Variants in AKAP13 observed in about 807,000 individuals in gnomAD.
The protein encoded by AKAP13 is A-kinase anchoring protein 13, also known as A-kinase anchor protein 13.
In AKAP13, 80 loss-of-function variants were observed where a neutral mutation model predicts 264.5. The observed-to-expected ratio is 0.30, with a 90% CI of 0.25 to 0.36. The LOEUF is 0.36. AKAP13 is among the 10% of genes least tolerant of loss of function. The probability of loss-of-function intolerance (pLI) is 1.00; values close to 1 mark genes in which losing one functional copy is unlikely to be tolerated. For synonymous variants in AKAP13, 1,380 were observed against 1,250.2 expected, an observed-to-expected ratio of 1.10 and a Z score of -2.19; for missense variants, 3,712 against 3,435.2, an observed-to-expected ratio of 1.08 and a Z score of -2.01.
At chr15:85,651,751 C>T (rs1017940091) in intron 10 of AKAP13, 1 of 152,126 alleles carries the variant, frequency 6.6e-6, no homozygotes, top group Non-Finnish European at 1.5e-5. Context: ...CCATTCACAC[C>T]CTCTCAAGGC....
At chr15:85,613,713 T>TATATATATATGTATG in intron 8 of AKAP13, among the ~76,000 whole-genome samples, 1 of 111,016 alleles carries the variant, frequency 9.0e-6, no homozygotes, top group East Asian at 3.4e-4. Flanking sequence ...TATATATATA[T>TATATATATATGTATG]TAGGAGTGCT....
At position 85,477,549 on chromosome 15, in the gene AKAP13, A is replaced by G. The variant is rs574710724; in HGVS notation, c.-11-8161A>G. Among the ~76,000 whole-genome samples, 3 of 151,382 alleles carry G rather than the reference A, an allele frequency of 2.0e-5. 1 individual carries two copies. In the East Asian group the frequency reaches 5.9e-4, roughly 30 times the overall value. The stretch of plus-strand genomic sequence containing the variant: ...TCTGGGTTTGAGTTTACGCTACACA[A>G]TTACAAACTTTTTCCAGTGCTGCTT... On this transcript the variant is annotated intron_variant, in intron 1 of 36. Coordinates refer to ENST00000394518, the MANE Select transcript of AKAP13 (RefSeq NM_007200.5).
chr15:85,578,730 A>G (rs1026061428), intron 6 of AKAP13, among the ~76,000 whole-genome samples, 200 bp from the exon 7 acceptor site: 2 of 152,170 alleles, frequency 1.3e-5, no homozygotes, highest in African/African-American at 4.8e-5. Context: ...TGAACATCCC[A>G]GTATATAGGC....
At chr15:85,674,956 A>G (rs751536404) in intron 14 of AKAP13, among the ~76,000 whole-genome samples, 3 of 152,146 alleles carry the variant, frequency 2.0e-5, no homozygotes, top group Non-Finnish European at 4.4e-5. Context: ...TCTTTTTGAC[A>G]TTTTTATTAA....
chr15:85,382,004 C>T (rs1277467112), intron 1 of AKAP13: 1 of 152,146 alleles, frequency 6.6e-6, no homozygotes, highest in Admixed American at 6.5e-5. Context: ...TGTATTCTGT[C>T]GTGGACTCTT....
At position 85,718,807 on chromosome 15, in the gene AKAP13, GA is replaced by G. The variant is rs2087112486; in HGVS notation, c.6002-266del. The stretch of plus-strand genomic sequence containing the variant: ...CCCAGCTGCTCGAGAGGCTAAAGCA[GA>G]AAGATCGCTTGAGCCCAGGAGGTTG... On this transcript the variant is annotated intron_variant, in intron 22 of 36. Transcript: ENST00000394518. The surrounding 1 kb of genome is among the most constrained non-coding windows in gnomAD (Gnocchi z 4.9). The G allele has an allele frequency of 2.5e-6, 1 of 404,272 alleles. No homozygotes were observed. The highest frequency in any genetic ancestry group is 2.1e-5 in the African/African-American group (1 of 48,752). The allele number at this position is 404,272 out of a possible 1,614,324, so 25.0% of individuals were successfully genotyped here.
chr15:85,468,033 A>T (rs12911430), intron 1 of AKAP13, among the ~76,000 whole-genome samples: 45,465 of 152,164 alleles, frequency 0.3, 8,997 homozygotes, highest in Non-Finnish European at 0.44. Context: ...GAACAACAAA[A>T]CTTCAAAATG....
intron 8 of AKAP13, chr15:85,619,620 C>T: frequency 1.0e-6 from 1 of 985,854 alleles, no homozygotes; most frequent in Non-Finnish European, 1.2e-6. Flanking sequence ...CGTCGTCTTC[C>T]TTTCTTTCTC....
intron 8 of AKAP13, chr15:85,620,080 C>T: frequency 6.5e-7 from 1 of 1,536,064 alleles, no homozygotes; most frequent in Non-Finnish European, 8.7e-7. Context: ...TTCTTTCTTG[C>T]ATTTGGGCAA....
At chr15:85,381,399 C>G (rs1014326099) in intron 1 of AKAP13, among the ~76,000 whole-genome samples, 3 of 151,800 alleles carry the variant, frequency 2.0e-5, no homozygotes, top group Non-Finnish European at 4.4e-5. Context: ...GGCGAGCGGC[C>G]CAGGAGACCC....
intron 1 of AKAP13, among the ~76,000 whole-genome samples, chr15:85,383,705 G>A (rs2070407154): frequency 6.6e-6 from 1 of 152,180 alleles, no homozygotes; most frequent in Non-Finnish European, 1.5e-5. Flanking sequence ...TTGCAGAGTG[G>A]CTTGGTAGGG....
intron 13 of AKAP13, among the ~76,000 whole-genome samples, chr15:85,668,097 C>G (rs576579697): frequency 2.0e-5 from 3 of 152,274 alleles, no homozygotes; most frequent in African/African-American, 7.2e-5. Context: ...AGACGAGTTG[C>G]CTGTAGCCAA....
intron 1 of AKAP13, among the ~76,000 whole-genome samples, chr15:85,404,220 G>A (rs938623162): frequency 6.6e-6 from 1 of 152,190 alleles, no homozygotes; most frequent in African/African-American, 2.4e-5. Flanking sequence ...ATAGTTAAGG[G>A]CAGGTTTTCT....
At chr15:85,730,024 C>T (rs895009182) in intron 29 of AKAP13, among the ~76,000 whole-genome samples, 2 of 151,976 alleles carry the variant, frequency 1.3e-5, no homozygotes, top group African/African-American at 2.4e-5. Flanking sequence ...TAAGAGATTC[C>T]ATTGCAGATG....
At chr15:85,491,989 A>C (rs756596362) in intron 2 of AKAP13, among the ~76,000 whole-genome samples, 1 of 152,218 alleles carries the variant, frequency 6.6e-6, no homozygotes, top group Non-Finnish European at 1.5e-5. Flanking sequence ...TCATCTAGTG[A>C]ATGGCAGAAG....
chr15:85,638,471 C>G (rs2151470477), intron 8 of AKAP13, among the ~76,000 whole-genome samples: 1 of 152,108 alleles, frequency 6.6e-6, no homozygotes, highest in African/African-American at 2.4e-5. Context: ...GTGGAGTGTT[C>G]TATATTGTGT....
intron 7 of AKAP13, 39 bp downstream of exon 7, chr15:85,582,146 C>A: frequency 6.5e-7 from 1 of 1,534,228 alleles, no homozygotes; most frequent in Non-Finnish European, 8.7e-7. Flanking sequence ...GTCTGAGAAG[C>A]AGATTCCCTT....
intron 3 of AKAP13, among the ~76,000 whole-genome samples, chr15:85,530,321 G>A (rs570916320): frequency 6.6e-6 from 1 of 152,306 alleles, no homozygotes; most frequent in East Asian, 1.9e-4. Flanking sequence ...GGGTAAGGTA[G>A]CATTGCTTCA....
chr15:85,429,881 A>T lies in AKAP13; in HGVS notation c.-12+49083A>T, dbSNP rs146016568. Among the ~76,000 whole-genome samples the T allele has an allele frequency of 2.4e-4, 37 of 152,270 alleles. No individual in the cohort carries two copies. The East Asian group carries it at 7.1e-3, about 29-fold the overall frequency. On this transcript the variant is annotated intron_variant, in intron 1 of 36. Transcript: ENST00000394518. ...AAGCATGTTTGTTTTTATCTTTTGA[A>T]TATTCCCTTGCATTTTCCCCTGCAC...
Sources: allele counts gnomAD v4.1 joint callset (sites outside exome capture counted in the v4.1 genomes callset), GRCh38; gene constraint gnomAD v4.1.1; non-coding constraint Gnocchi (gnomAD v3.1); transcripts MANE v1.5; gene names NCBI Gene and HGNC (gene_info 2026-07-23, HGNC 2026-07-21).